The following GLIS1 variants were observed in gnomAD, a reference collection of about 807,000 sequenced individuals.
GLIS1 encodes GLIS family zinc finger 1.
A neutral mutation model predicts 63.8 loss-of-function variants in GLIS1; 24 were observed. The ratio of observed to expected loss-of-function variants is 0.38; its 90% confidence interval spans 0.27 to 0.53. GLIS1 has a LOEUF of 0.53. Ranked by LOEUF, GLIS1 falls within the 20% of genes least tolerant of loss-of-function variation. GLIS1 has a pLI of 0.85. For synonymous variants in GLIS1, 450 were observed against 482.5 expected (o/e 0.93, Z 0.88); for missense variants, 1,036 against 1,074.1 (o/e 0.96, Z 0.50).
chr1:53,599,709 T>C lies in GLIS1; in HGVS notation c.437+392A>G, dbSNP rs1186370948. 2.6e-5 allele frequency among the ~76,000 whole-genome samples: 4 copies of C among 152,214 alleles called. No individual in the cohort carries two copies. The East Asian group carries it at 7.7e-4, about 29-fold the overall frequency. ...TGGACAGCTACCCAGCAGGGCTCTGTGGGCCATGGTCTCCTGGGGCAGAGA... is the reference window on the plus strand; with the variant it reads ...TGGACAGCTACCCAGCAGGGCTCTGCGGGCCATGGTCTCCTGGGGCAGAGA... On this transcript the variant is annotated intron_variant, in intron 3 of 10. Coordinates refer to ENST00000628545, the MANE Select transcript of GLIS1 (RefSeq NM_001367484.1).
At chr1:53,672,571 T>G (rs958361502) in intron 2 of GLIS1, among the ~76,000 whole-genome samples, 2 of 152,230 alleles carry the variant, frequency 1.3e-5, no homozygotes, top group African/African-American at 4.8e-5. Context: ...TTTATTCGGC[T>G]GTGAGTCTTG....
intron 4 of GLIS1, among the ~76,000 whole-genome samples, chr1:53,579,376 G>A (rs529795473): frequency 2.6e-5 from 4 of 152,360 alleles, no homozygotes; most frequent in Non-Finnish European, 4.4e-5. Flanking sequence ...GGGGACATGA[G>A]GCCTTGCCAG....
At position 53,577,677 on chromosome 1, in the gene GLIS1, T is replaced by C. The variant is rs1446787620; in HGVS notation, c.1320+16431A>G. ...ATCCCATCATGGTGTCTGGGTAGGCTCTAAGCTTGTGTGCCCCTGGAGGAC... is the reference window on the plus strand; with the variant it reads ...ATCCCATCATGGTGTCTGGGTAGGCCCTAAGCTTGTGTGCCCCTGGAGGAC... On this transcript the variant is annotated intron_variant, in intron 4 of 10. Transcript: ENST00000628545. Among the ~76,000 whole-genome samples, 6 of 152,144 alleles carry C rather than the reference T, an allele frequency of 3.9e-5. No homozygotes were observed. In the East Asian group the frequency reaches 9.6e-4, roughly 24 times the overall value.
chr1:53,506,614 C>T lies in GLIS1; in HGVS notation c.*5G>A, dbSNP rs1215989979. 6.2e-7 allele frequency: 1 copy of T among 1,612,990 alleles called. No homozygotes were observed. The highest frequency in any genetic ancestry group is 8.5e-7 in the Non-Finnish European group (1 of 1,179,706). ...CTGGATGGGCAGGCGCATGTGGGGG[C>T]TCCTTCAGGTGTCTGTGTAGATGGA... On this transcript the variant is annotated 3_prime_UTR_variant, in exon 11 of 11. Coordinates refer to ENST00000628545, the MANE Select transcript of GLIS1 (RefSeq NM_001367484.1).
At chr1:53,592,280 A>G (rs1645199622) in intron 4 of GLIS1, among the ~76,000 whole-genome samples, 1 of 152,050 alleles carries the variant, frequency 6.6e-6, no homozygotes, top group Non-Finnish European at 1.5e-5. Flanking sequence ...AATTTCCAAC[A>G]CAGATACTCT....
intron 2 of GLIS1, among the ~76,000 whole-genome samples, chr1:53,725,604 C>T (rs1017758114): frequency 2.0e-5 from 3 of 152,164 alleles, no homozygotes; most frequent in African/African-American, 4.8e-5. Context: ...CTCCAGGCTG[C>T]GAGCTCCGAG....
intron 2 of GLIS1, among the ~76,000 whole-genome samples, chr1:53,693,990 T>C (rs1347621897): frequency 2.6e-5 from 4 of 152,152 alleles, no homozygotes; most frequent in African/African-American, 9.7e-5. Flanking sequence ...GGCCTGACGG[T>C]GGGCACTGGG....
chr1:53,718,962 G>A (rs1006456775), intron 2 of GLIS1, among the ~76,000 whole-genome samples: 3 of 152,112 alleles, frequency 2.0e-5, no homozygotes, highest in Non-Finnish European at 4.4e-5. Flanking sequence ...GATGCTTAGT[G>A]CCCACTGTGT....
chr1:53,734,050 A>G (rs1180609072), intron 2 of GLIS1: 2 of 983,338 alleles, frequency 2.0e-6, no homozygotes, highest in Non-Finnish European at 2.4e-6. Context: ...CATGCGCACA[A>G]TCTACAATTC....
At chr1:53,695,707 G>T (rs1400454950) in intron 2 of GLIS1, among the ~76,000 whole-genome samples, 1 of 152,202 alleles carries the variant, frequency 6.6e-6, no homozygotes. Context: ...AACAAAGGAG[G>T]GGAGATGGCC....
intron 2 of GLIS1, among the ~76,000 whole-genome samples, chr1:53,642,329 G>A (rs1645796169): frequency 6.6e-6 from 1 of 152,208 alleles, no homozygotes; most frequent in Non-Finnish European, 1.5e-5. Flanking sequence ...TGGAGAGATT[G>A]TTCTGGACAT....
At chr1:53,514,594 C>A in intron 8 of GLIS1, 31 bp downstream of exon 8, 1 of 1,603,354 alleles carries the variant, frequency 6.2e-7, no homozygotes, top group Non-Finnish European at 8.5e-7. Flanking sequence ...CCCTTGTTGC[C>A]CCTGGAGGAG....
intron 2 of GLIS1, among the ~76,000 whole-genome samples, chr1:53,721,400 A>G (rs192338045): frequency 3.7e-4 from 56 of 152,326 alleles, no homozygotes; most frequent in African/African-American, 1.3e-3. Flanking sequence ...TTATATTTGT[A>G]AGGCACCTGA....
chr1:53,734,962 A>G (rs770651207), intron 2 of GLIS1, among the ~76,000 whole-genome samples: 4 of 152,186 alleles, frequency 2.6e-5, no homozygotes, highest in African/African-American at 7.2e-5. Flanking sequence ...AATGATGACA[A>G]TGTTAGTCCA....
At chr1:53,676,501 C>T (rs558639018) in intron 2 of GLIS1, among the ~76,000 whole-genome samples, 1 of 152,278 alleles carries the variant, frequency 6.6e-6, no homozygotes, top group South Asian at 2.1e-4. Flanking sequence ...GAGGATCTTT[C>T]CACCTCCTCA....
intron 2 of GLIS1, among the ~76,000 whole-genome samples, chr1:53,698,914 C>T (rs1395683033): frequency 6.6e-6 from 1 of 152,186 alleles, no homozygotes; most frequent in African/African-American, 2.4e-5. Context: ...ACTGAAGTGA[C>T]TTGCCCAAGG....
intron 2 of GLIS1, among the ~76,000 whole-genome samples, chr1:53,662,019 G>A (rs1646034242): frequency 6.6e-6 from 1 of 152,160 alleles, no homozygotes; most frequent in Non-Finnish European, 1.5e-5. Flanking sequence ...GGGAGGGAGT[G>A]AGCTTCCTAT....
intron 7 of GLIS1, among the ~76,000 whole-genome samples, chr1:53,515,086 T>C (rs1644337897): frequency 6.0e-5 from 1 of 16,742 alleles, no homozygotes; most frequent in Non-Finnish European, 4.2e-4. Context: ...TATATGTGTG[T>C]GTGTGTGTGT....
At chr1:53,727,757 C>A (rs1646819967) in intron 2 of GLIS1, among the ~76,000 whole-genome samples, 1 of 152,176 alleles carries the variant, frequency 6.6e-6, no homozygotes, top group African/African-American at 2.4e-5. Context: ...GAGGAGACTC[C>A]CCCAGGGTCA....
Sources: allele counts gnomAD v4.1 joint callset (sites outside exome capture counted in the v4.1 genomes callset), GRCh38; gene constraint gnomAD v4.1.1; transcripts MANE v1.5; gene names NCBI Gene and HGNC (gene_info 2026-07-23, HGNC 2026-07-21).